Variants in CCDC170 observed in about 807,000 individuals in gnomAD.
The protein encoded by CCDC170 is coiled-coil domain-containing protein 170.
In CCDC170, 69 loss-of-function variants were observed where a neutral mutation model predicts 72.6. The observed-to-expected ratio is 0.95, with a 90% CI of 0.78 to 1.16. The LOEUF is 1.16. CCDC170 is among the 50% of genes most tolerant of loss of function. The pLI, the probability that CCDC170 is intolerant of heterozygous loss-of-function variation, is 0.00. For missense variants in CCDC170, 852 were observed against 832.5 expected (o/e 1.02, Z -0.29); for synonymous variants, 300 against 303.9 (o/e 0.99, Z 0.13).
At chr6:151,515,786 A>G (rs9479054) in intron 1 of CCDC170, among the ~76,000 whole-genome samples, 149,003 of 152,332 alleles carry the variant, frequency 0.98, 72,884 homozygotes, top group East Asian at 1. Context: ...TGACAAAGAA[A>G]GTGTGGCGCA....
chr6:151,583,784 A>C (rs1016129186), intron 6 of CCDC170, among the ~76,000 whole-genome samples: 4 of 152,180 alleles, frequency 2.6e-5, no homozygotes, highest in African/African-American at 4.8e-5. Flanking sequence ...TTGAAAACTT[A>C]GAGGCCATTG....
At chr6:151,538,803 T>G (rs1782633337) in intron 3 of CCDC170, among the ~76,000 whole-genome samples, 1 of 152,250 alleles carries the variant, frequency 6.6e-6, no homozygotes, top group African/African-American at 2.4e-5. Context: ...AAATTGGGAA[T>G]GAGTTGTTCC....
At position 151,502,796 on chromosome 6, in the gene CCDC170, AC is replaced by A. The variant is rs1454288021; in HGVS notation, c.57+8612del. Among the ~76,000 whole-genome samples the A allele has an allele frequency of 3.3e-5, 5 of 152,332 alleles. No homozygotes were observed. In the East Asian group the frequency reaches 9.6e-4, roughly 29 times the overall value. On this transcript the variant is annotated intron_variant, in intron 1 of 10. Coordinates refer to ENST00000239374, the MANE Select transcript of CCDC170 (RefSeq NM_025059.4). ...CTCTGTTAGGCACTGAAGATAAAGAACTTTTTTCCTTGACCAACTCTAAAAT... is the reference window on the plus strand; with the variant it reads ...CTCTGTTAGGCACTGAAGATAAAGAATTTTTTCCTTGACCAACTCTAAAAT...
intron 2 of CCDC170, among the ~76,000 whole-genome samples, chr6:151,536,902 C>T (rs74646624): frequency 0.033 from 5,053 of 152,006 alleles, 283 homozygotes; most frequent in African/African-American, 0.11. Flanking sequence ...TGTGCCTATC[C>T]CCTAGAATTC....
intron 1 of CCDC170, among the ~76,000 whole-genome samples, chr6:151,501,067 A>G (rs1351946391): frequency 6.6e-6 from 1 of 152,196 alleles, no homozygotes; most frequent in Non-Finnish European, 1.5e-5. Flanking sequence ...ACAAAAGCTT[A>G]GAAATTGTAC....
At position 151,548,239 on chromosome 6, in the gene CCDC170, C is replaced by A. The variant is rs1782808483; in HGVS notation, c.589-65C>A. 4.4e-6 allele frequency: 6 copies of A among 1,378,512 alleles called. No individual in the cohort carries two copies. In the Middle Eastern group the frequency reaches 8.2e-4, roughly 189 times the overall value. The allele number at this position is 1,378,512 out of a possible 1,614,324, so 85.4% of individuals were successfully genotyped here. ...ATGATAATGCAGTCTATAGATGTGA[C>A]TTGCTTAGAGAAAATGATGAAATTG... On this transcript the variant is annotated intron_variant, in intron 4 of 10. Transcript: ENST00000239374.
intron 5 of CCDC170, among the ~76,000 whole-genome samples, chr6:151,555,055 T>A (rs1782953180): frequency 6.6e-6 from 1 of 151,610 alleles, no homozygotes; most frequent in Non-Finnish European, 1.5e-5. Context: ...ATTTTTGTAT[T>A]GTTAGTAGAG....
intron 1 of CCDC170, among the ~76,000 whole-genome samples, chr6:151,498,495 A>C (rs192924350): frequency 1.6e-3 from 251 of 152,352 alleles, no homozygotes; most frequent in African/African-American, 5.7e-3. Context: ...CTGTTGCCAC[A>C]AGCCATCTTC....
rs1031305026 is a variant in CCDC170, at chr6:151,538,161, G to C, written c.303G>C (p.Leu101Phe). ...GAAAATCATCTCTCCTTACCTCTTT[G>C]AGAGACAGAGTTCAGGAACTAGAAG... is the stretch of plus-strand genomic sequence containing the variant. ...NARKSSLLTS[L>F]RDRVQELEEE... Residue 101 changes from leucine (L) to phenylalanine (F), a missense_variant, in exon 3 of 11, where the codon TTG becomes TTC. Transcript: ENST00000239374. 2 of 1,613,896 alleles carry C rather than the reference G, an allele frequency of 1.2e-6. No individual in the cohort carries two copies. Among genetic ancestry groups the C allele is most frequent in the Admixed American group, 1.7e-5 (1 of 59,984 alleles).
intron 3 of CCDC170, among the ~76,000 whole-genome samples, chr6:151,540,765 A>G (rs893420207): frequency 1.3e-5 from 2 of 151,934 alleles, no homozygotes; most frequent in African/African-American, 4.8e-5. Context: ...CAAAGGCCCA[A>G]CCTCCAAATA....
intron 1 of CCDC170, among the ~76,000 whole-genome samples, chr6:151,501,113 A>G (rs1248190851): frequency 1.3e-5 from 2 of 152,186 alleles, no homozygotes; most frequent in South Asian, 2.1e-4. Flanking sequence ...GAGTAATTAA[A>G]TGTTTCCCCT....
chr6:151,545,679 G>A (rs1782760597), intron 4 of CCDC170, among the ~76,000 whole-genome samples: 1 of 151,956 alleles, frequency 6.6e-6, no homozygotes, highest in African/African-American at 2.4e-5. Flanking sequence ...CTGTCATCCA[G>A]GCTGGAGTAC....
intron 9 of CCDC170, among the ~76,000 whole-genome samples, chr6:151,601,342 G>A (rs1403164692): frequency 1.3e-5 from 2 of 152,134 alleles, no homozygotes; most frequent in Admixed American, 6.5e-5. Flanking sequence ...AATTCAAGAT[G>A]GCATTTGGGT....
chr6:151,581,327 T>G (rs539686982), intron 6 of CCDC170, among the ~76,000 whole-genome samples: 1 of 152,370 alleles, frequency 6.6e-6, no homozygotes, highest in South Asian at 2.1e-4. Context: ...ATGTTTATTG[T>G]CATTTCAACA....
intron 4 of CCDC170, among the ~76,000 whole-genome samples, chr6:151,547,463 T>G (rs1441280404): frequency 1.3e-5 from 2 of 151,672 alleles, no homozygotes; most frequent in Non-Finnish European, 2.9e-5. Flanking sequence ...CCCCGTGAGG[T>G]CGGGAGTTTT....
At chr6:151,551,694 T>C (rs1052942460) in intron 5 of CCDC170, among the ~76,000 whole-genome samples, 1 of 152,144 alleles carries the variant, frequency 6.6e-6, no homozygotes, top group Non-Finnish European at 1.5e-5. Flanking sequence ...GCCTGTCAGC[T>C]ACCATGTGAG....
chr6:151,591,278 A>G (rs571729648), intron 7 of CCDC170, among the ~76,000 whole-genome samples: 2 of 152,330 alleles, frequency 1.3e-5, no homozygotes, highest in East Asian at 3.9e-4. Context: ...CCCAAATCAT[A>G]AAATGATGAT....
chr6:151,514,445 G>T (rs563936333), intron 1 of CCDC170, among the ~76,000 whole-genome samples: 2 of 151,454 alleles, frequency 1.3e-5, no homozygotes, highest in African/African-American at 4.9e-5. Context: ...TCACAAAAAT[G>T]CCAGTTCCAA....
Position 151,618,130 on chromosome 6 carries a change from T to C in CCDC170, c.2131T>C (p.Leu711=), listed in dbSNP as rs763837168. The change falls in exon 11 of 11, where the codon TTA becomes CTA. Residue 711 remains leucine (L), a synonymous_variant. Transcript: ENST00000239374. The part of the protein sequence containing the change: ...TGQERHPQGH[L]QLLH The stretch of plus-strand genomic sequence containing the variant: ...GCAAGAGAGGCACCCACAAGGCCAT[T>C]TACAGCTTCTTCATTGAACACTGTA... 1.2e-6 allele frequency: 2 copies of C among 1,614,060 alleles called. No homozygotes were observed. The highest frequency in any genetic ancestry group is 1.1e-5 in the South Asian group (1 of 91,058).
Sources: allele counts gnomAD v4.1 joint callset (sites outside exome capture counted in the v4.1 genomes callset), GRCh38; gene constraint gnomAD v4.1.1; transcripts MANE v1.5; gene names NCBI Gene and HGNC (gene_info 2026-07-23, HGNC 2026-07-21).